Variants in ABI1 observed in about 807,000 individuals in gnomAD.
The protein encoded by ABI1 is Abelson interactor 1.
ABI1 carries 14 observed loss-of-function variants against 54.6 expected under a neutral mutation model. That is an observed-to-expected ratio of 0.26 (90% confidence interval 0.17 to 0.40). ABI1 has a LOEUF of 0.40. Ranked by LOEUF, ABI1 falls within the 10% of genes least tolerant of loss-of-function variation. ABI1 has a pLI of 1.00. For synonymous variants in ABI1, 194 were observed against 209.3 expected (o/e 0.93, Z 0.63); for missense variants, 443 against 598.3 (o/e 0.74, Z 2.71).
In ABI1 at chr10:26,846,867, C is replaced by T. The variant is rs1034861117; in HGVS notation, c.117+13880G>A. Among the ~76,000 whole-genome samples, 4 of 152,260 alleles carry T rather than the reference C, an allele frequency of 2.6e-5. No homozygotes were observed. The East Asian group carries it at 5.8e-4, about 22-fold the overall frequency. On this transcript the variant is annotated intron_variant, in intron 1 of 10. Coordinates refer to ENST00000376140, the MANE Select transcript of ABI1 (RefSeq NM_001012750.3). ...TGTTTTCCCTTCCCCCAAATGTTCTCGGTTAACATATATTCACCCTTCAGA... is the reference window on the plus strand; with the variant it reads ...TGTTTTCCCTTCCCCCAAATGTTCTTGGTTAACATATATTCACCCTTCAGA...
At chr10:26,788,138 G>A (rs898020751) in intron 2 of ABI1, among the ~76,000 whole-genome samples, 6 of 152,108 alleles carry the variant, frequency 3.9e-5, no homozygotes, top group Admixed American at 6.5e-5. Context: ...TAAGTCTCAC[G>A]AGATCTGATG....
chr10:26,786,769 T>C lies in ABI1; in HGVS notation c.286-9528A>G, dbSNP rs17754383. Among the ~76,000 whole-genome samples the C allele has an allele frequency of 0.018, 2,708 of 152,256 alleles. 187 individuals carry two copies. In the South Asian group the frequency reaches 0.19, roughly 11 times the overall value. On this transcript the variant is annotated intron_variant, in intron 2 of 10. Coordinates refer to ENST00000376140, the MANE Select transcript of ABI1 (RefSeq NM_001012750.3). ...TTACAGACAGTGTCTCCCAGTTCAT[T>C]TTCCTCTTTATGACCCCTCGGCAAA...
At chr10:26,779,422 CAG>C (rs1841836586) in intron 2 of ABI1, among the ~76,000 whole-genome samples, 1 of 152,196 alleles carries the variant, frequency 6.6e-6, no homozygotes, top group African/African-American at 2.4e-5. Flanking sequence ...ATCAAGCTGA[CAG>C]TCAGCCTCAG....
intron 2 of ABI1, 87 bp from the exon 3 acceptor site, chr10:26,777,328 A>G: frequency 1.0e-6 from 1 of 981,246 alleles, no homozygotes; most frequent in South Asian, 1.7e-5. Flanking sequence ...TTTAGGACAG[A>G]CCACAGGGCT....
chr10:26,776,956 G>T, intron 3 of ABI1, 109 bp downstream of exon 3: 3 of 1,003,176 alleles, frequency 3.0e-6, no homozygotes, highest in Non-Finnish European at 4.2e-6. Context: ...AAATTATAAT[G>T]CCAGCTGCTA....
At chr10:26,834,554 C>T (rs1176600290) in intron 1 of ABI1, among the ~76,000 whole-genome samples, 1 of 117,850 alleles carries the variant, frequency 8.5e-6, no homozygotes, top group Non-Finnish European at 1.8e-5. Context: ...ACAAAACACA[C>T]ACACACACAC....
intron 2 of ABI1, among the ~76,000 whole-genome samples, chr10:26,800,322 T>C (rs967572620): frequency 4.1e-4 from 63 of 151,914 alleles, no homozygotes; most frequent in African/African-American, 1.4e-3. Flanking sequence ...GAGGCAGAGG[T>C]TGCAGTGGGC....
intron 1 of ABI1, among the ~76,000 whole-genome samples, chr10:26,831,228 C>T (rs769220688): frequency 6.6e-6 from 1 of 151,316 alleles, no homozygotes; most frequent in Non-Finnish European, 1.5e-5. Context: ...CCAAATTTCT[C>T]CAACTTCCAA....
At chr10:26,808,067 G>C (rs2046987567) in intron 2 of ABI1, among the ~76,000 whole-genome samples, 2 of 152,156 alleles carry the variant, frequency 1.3e-5, no homozygotes, top group Admixed American at 1.3e-4. Context: ...ACTCCAGCCT[G>C]GGCGTCACGA....
intron 2 of ABI1, among the ~76,000 whole-genome samples, chr10:26,779,823 G>C (rs1841881246): frequency 6.6e-6 from 1 of 152,014 alleles, no homozygotes; most frequent in African/African-American, 2.4e-5. Flanking sequence ...GAAACTCTCA[G>C]GGAAATTTCC....
chr10:26,746,865 T>G lies in ABI1; in HGVS notation c.*1705A>C. 3.0e-6 allele frequency: 1 copy of G among 335,968 alleles called. No individual in the cohort carries two copies. 20.8% of individuals were successfully genotyped at this position (335,968 alleles called of 1,614,324 possible). On this transcript the variant is annotated 3_prime_UTR_variant, in exon 11 of 11. Coordinates refer to ENST00000376140, the MANE Select transcript of ABI1 (RefSeq NM_001012750.3). ...TGTGAAGTCTGCATTGAAGTCCACA[T>G]GAGTTATATTTTAACAGTATCCAAA...
intron 2 of ABI1, among the ~76,000 whole-genome samples, chr10:26,814,666 A>G (rs1378353273): frequency 6.6e-6 from 1 of 152,220 alleles, no homozygotes; most frequent in African/African-American, 2.4e-5. Flanking sequence ...GGTTACAGAA[A>G]GGACTTATCA....
At chr10:26,843,540 C>T (rs1252075878) in intron 1 of ABI1, among the ~76,000 whole-genome samples, 3 of 121,738 alleles carry the variant, frequency 2.5e-5, no homozygotes, top group Non-Finnish European at 5.0e-5. Flanking sequence ...TTTCCTAAAA[C>T]TTCCATGTGA....
At chr10:26,782,743 G>A (rs1842281939) in intron 2 of ABI1, among the ~76,000 whole-genome samples, 1 of 150,092 alleles carries the variant, frequency 6.7e-6, no homozygotes, top group Non-Finnish European at 1.5e-5. Flanking sequence ...AAAAAGACAG[G>A]CAAATGGCCA....
intron 1 of ABI1, among the ~76,000 whole-genome samples, chr10:26,852,539 G>A (rs867117735): frequency 5.3e-5 from 8 of 152,210 alleles, no homozygotes; most frequent in East Asian, 3.9e-4. Context: ...AATATTTGAC[G>A]TAGTAGGAAA....
chr10:26,777,716 G>T (rs1841594075), intron 2 of ABI1, among the ~76,000 whole-genome samples: 1 of 152,026 alleles, frequency 6.6e-6, no homozygotes. Flanking sequence ...CGAGGCTGCA[G>T]TGAGCTGTAA....
At chr10:26,823,090 G>C in intron 2 of ABI1, 48 bp downstream of exon 2, 2 of 1,484,736 alleles carry the variant, frequency 1.3e-6, no homozygotes, top group South Asian at 2.6e-5. Context: ...TTTGGCATAT[G>C]CTGTAGTTTT....
rs1468696451 is a variant in ABI1 at position 26,747,670 on chromosome 10, A to G, written c.*900T>C. 5.1e-6 allele frequency: 1 copy of G among 197,694 alleles called. No individual in the cohort carries two copies. Among genetic ancestry groups the G allele is most frequent in the Middle Eastern group, 1.7e-3 (1 of 574 alleles). 12.2% of individuals were successfully genotyped at this position (197,694 alleles called of 1,614,324 possible). A position where few individuals can be genotyped will look rare whatever the true frequency, so the allele number is the denominator to read the frequency against. ...TTCTTAGTTTCAAAAGATTATTTAAAAAAGGAATTCAGTAGATTGACTTGT... is the reference window on the plus strand; with the variant it reads ...TTCTTAGTTTCAAAAGATTATTTAAGAAAGGAATTCAGTAGATTGACTTGT... On this transcript the variant is annotated 3_prime_UTR_variant, in exon 11 of 11. Transcript: ENST00000376140.
intron 9 of ABI1, among the ~76,000 whole-genome samples, chr10:26,753,495 T>C (rs1477069310): frequency 1.3e-5 from 2 of 152,218 alleles, no homozygotes; most frequent in Admixed American, 1.3e-4. Context: ...TAAATCTACA[T>C]GTCTTATCTT....
Sources: gnomAD v4.1 joint callset for allele counts (sites outside exome capture counted in the v4.1 genomes callset) on GRCh38, gnomAD v4.1.1 for gene constraint, MANE v1.5 for transcripts, NCBI Gene and HGNC (gene_info 2026-07-23, HGNC 2026-07-21) for gene names.